The following EMSY variants were observed in gnomAD, a reference collection of about 807,000 sequenced individuals.
The protein encoded by EMSY is EMSY transcriptional repressor, BRCA2 interacting, also known as BRCA2-interacting transcriptional repressor EMSY.
Under a neutral mutation model 134.6 loss-of-function variants are expected in EMSY, and 26 were observed. The ratio of observed to expected loss-of-function variants is 0.19; its 90% confidence interval spans 0.14 to 0.27. The LOEUF (loss-of-function observed/expected upper bound fraction) is 0.27. Among genes scored for constraint, EMSY ranks in the 10% least tolerant of loss-of-function variants. The pLI is 1.00. For missense variants in EMSY, 1,305 were observed against 1,611.4 expected (o/e 0.81, Z 3.26); for synonymous variants, 579 against 577.8 (o/e 1.00, Z -0.03).
At chr11:76,516,627 C>A in intron 11 of EMSY, 1 of 180,484 alleles carries the variant, frequency 5.5e-6, no homozygotes, top group Non-Finnish European at 1.2e-5. Flanking sequence ...CTATTCAGAC[C>A]CCATAACAAC....
chr11:76,528,951 G>T (rs1950940409), intron 14 of EMSY, among the ~76,000 whole-genome samples: 1 of 152,084 alleles, frequency 6.6e-6, no homozygotes, highest in Non-Finnish European at 1.5e-5. Context: ...AGTTTATGTT[G>T]TTCTGGCACA....
At chr11:76,545,384 C>CAT (rs1951605985) in intron 19 of EMSY, among the ~76,000 whole-genome samples, 1 of 151,792 alleles carries the variant, frequency 6.6e-6, no homozygotes, top group African/African-American at 2.4e-5. Context: ...ATTATAAATA[C>CAT]ATATATATAG....
At chr11:76,499,443 A>C (rs1949775367) in intron 9 of EMSY, among the ~76,000 whole-genome samples, 1 of 150,986 alleles carries the variant, frequency 6.6e-6, no homozygotes, top group African/African-American at 2.4e-5. Flanking sequence ...GCCTGCCACC[A>C]CACCCGGCTA....
At chr11:76,513,675 C>T (rs947152269) in intron 10 of EMSY, 140 bp downstream of exon 11, 8 of 794,648 alleles carry the variant, frequency 1.0e-5, no homozygotes, top group Non-Finnish European at 1.3e-5. Flanking sequence ...ATTCTCACAC[C>T]CCTACTGACT....
rs139545385 is a variant in EMSY at position 76,549,461 on chromosome 11, G to C, written c.3775-491G>C. On this transcript the variant is annotated intron_variant, in intron 20 of 20. Transcript: ENST00000334736. The stretch of plus-strand genomic sequence containing the variant: ...GTCTACAGCAAGTGTTCTTCTACTG[G>C]TACTCGTCTTGCAGATAATAAAGGG... Among the ~76,000 whole-genome samples, 18 of 152,170 alleles carry C rather than the reference G, an allele frequency of 1.2e-4. 1 individual carries two copies. In the East Asian group the frequency reaches 3.5e-3, roughly 29 times the overall value.
chr11:76,549,611 TG>T (rs1951776083), intron 20 of EMSY, among the ~76,000 whole-genome samples: 1 of 152,122 alleles, frequency 6.6e-6, no homozygotes, highest in Non-Finnish European at 1.5e-5. Flanking sequence ...CATAAAGGAG[TG>T]GAAAGATTGC....
chr11:76,502,697 A>C lies in EMSY; in HGVS notation c.1363+6228A>C, dbSNP rs146201301. On this transcript the variant is annotated intron_variant, in intron 9 of 20. Transcript: ENST00000334736. ...AGTGAAACTAACAATTCCATTTATA[A>C]TAGCACCAAAAGAACAAAATAGGAA... is the stretch of plus-strand genomic sequence containing the variant. Among the ~76,000 whole-genome samples, 20 of 152,264 alleles carry C rather than the reference A, an allele frequency of 1.3e-4. No individual in the cohort carries two copies. In the East Asian group the frequency reaches 3.1e-3, roughly 23 times the overall value.
intron 4 of EMSY, among the ~76,000 whole-genome samples, chr11:76,457,400 A>G (rs1756238965): frequency 6.6e-6 from 1 of 152,188 alleles, no homozygotes; most frequent in Non-Finnish European, 1.5e-5. Flanking sequence ...CTACGTTTTG[A>G]TATTTCAACC....
chr11:76,468,410 T>C (rs1948445998), intron 7 of EMSY, among the ~76,000 whole-genome samples: 2 of 152,242 alleles, frequency 1.3e-5, no homozygotes, highest in African/African-American at 4.8e-5. Context: ...GTTCCAGATG[T>C]AAAACTGTAC....
chr11:76,463,585 TGCAGTCC>T (rs1365699638), intron 6 of EMSY, among the ~76,000 whole-genome samples: 8 of 139,398 alleles, frequency 5.7e-5, no homozygotes, highest in African/African-American at 1.6e-4. Context: ...ATTGCGCCAC[TGCAGTCC>T]GCAGTCCGGC....
chr11:76,458,424 A>G, intron 5 of EMSY, 66 bp downstream of exon 6: 1 of 1,444,726 alleles, frequency 6.9e-7, no homozygotes, highest in Non-Finnish European at 9.3e-7. Flanking sequence ...AATTTCAAGA[A>G]AAGTTGTCTT....
At chr11:76,495,171 T>A (rs1313162034) in intron 8 of EMSY, among the ~76,000 whole-genome samples, 4 of 152,230 alleles carry the variant, frequency 2.6e-5, no homozygotes, top group Non-Finnish European at 4.4e-5. Flanking sequence ...TCAAGTTTTA[T>A]CCTCCATCTT....
chr11:76,507,865 C>CTTTTTTT (rs55756987), intron 9 of EMSY, among the ~76,000 whole-genome samples: 11 of 118,628 alleles, frequency 9.3e-5, no homozygotes, highest in Non-Finnish European at 1.1e-4. Flanking sequence ...TTTTCTTTTT[C>CTTTTTTT]TTTTTTTTTT....
At chr11:76,538,576 T>C (rs550173329) in intron 16 of EMSY, among the ~76,000 whole-genome samples, 2 of 152,292 alleles carry the variant, frequency 1.3e-5, no homozygotes, top group South Asian at 2.1e-4. Context: ...TAAGTATTTT[T>C]ATGCATCTAG....
intron 17 of EMSY, 51 bp from the exon 19 acceptor site, chr11:76,542,165 C>T: frequency 6.3e-7 from 1 of 1,599,908 alleles, no homozygotes; most frequent in Non-Finnish European, 8.6e-7. Flanking sequence ...CTACTGGTTA[C>T]AGATGCTGTG....
chr11:76,500,614 A>G (rs577750101), intron 9 of EMSY, among the ~76,000 whole-genome samples: 2 of 152,348 alleles, frequency 1.3e-5, no homozygotes, highest in South Asian at 2.1e-4. Context: ...GTATGCTCCA[A>G]AGCTTTCCTG....
chr11:76,548,632 G>C (rs1951738458), intron 20 of EMSY, among the ~76,000 whole-genome samples: 1 of 152,188 alleles, frequency 6.6e-6, no homozygotes, highest in African/African-American at 2.4e-5. Context: ...GCAAGCCAGA[G>C]ACAAAGCTGA....
chr11:76,542,130 G>T, intron 17 of EMSY, 86 bp from the exon 19 acceptor site: 1 of 1,494,860 alleles, frequency 6.7e-7, no homozygotes, highest in South Asian at 1.1e-5. Context: ...TGTGATACAA[G>T]CTCACAGACA....
chr11:76,491,026 A>T (rs779508638), intron 8 of EMSY, among the ~76,000 whole-genome samples: 1 of 152,136 alleles, frequency 6.6e-6, no homozygotes, highest in Non-Finnish European at 1.5e-5. Flanking sequence ...ATATACTTAT[A>T]TATCAGTTTC....
Sources: allele counts gnomAD v4.1 joint callset (sites outside exome capture counted in the v4.1 genomes callset), GRCh38; gene constraint gnomAD v4.1.1; transcripts MANE v1.5; gene names NCBI Gene and HGNC (gene_info 2026-07-23, HGNC 2026-07-21).